FOXN3: variants seen among roughly 807,000 people sequenced by gnomAD.
FOXN3 encodes the protein forkhead box N3, also known as forkhead box protein N3.
FOXN3 carries 7 observed loss-of-function variants against 38.4 expected under a neutral mutation model. The observed-to-expected ratio is 0.18, with a 90% CI of 0.10 to 0.34. The LOEUF (loss-of-function observed/expected upper bound fraction) is 0.34, where lower values mean the gene tolerates loss of function less well. FOXN3 is among the 10% of genes least tolerant of loss of function. The pLI is 1.00. For missense variants in FOXN3, 456 were observed against 613.4 expected, an observed-to-expected ratio of 0.74 and a Z score of 2.71; for synonymous variants, 230 against 242.2, an observed-to-expected ratio of 0.95 and a Z score of 0.47.
chr14:89,346,645 A>G (rs1888766351), intron 3 of FOXN3, among the ~76,000 whole-genome samples: 1 of 152,146 alleles, frequency 6.6e-6, no homozygotes, highest in South Asian at 2.1e-4. Flanking sequence ...CACCTGTGGC[A>G]TACTGTTCAC....
intron 4 of FOXN3, among the ~76,000 whole-genome samples, chr14:89,253,169 C>T (rs906277757): frequency 1.3e-5 from 2 of 152,112 alleles, no homozygotes; most frequent in Non-Finnish European, 2.9e-5. Context: ...AGGCCTGATG[C>T]GAAACAGCCT....
chr14:89,498,333 C>T (rs931511788), intron 1 of FOXN3, among the ~76,000 whole-genome samples: 11 of 150,624 alleles, frequency 7.3e-5, no homozygotes, highest in African/African-American at 2.7e-4. Flanking sequence ...ACCAATTCTC[C>T]TGCCTCAGCC....
intron 4 of FOXN3, among the ~76,000 whole-genome samples, chr14:89,254,332 T>C (rs963231248): frequency 5.3e-5 from 8 of 152,166 alleles, no homozygotes; most frequent in African/African-American, 1.9e-4. Context: ...CTGGAACGTT[T>C]CCCCAACAGA....
intron 1 of FOXN3, among the ~76,000 whole-genome samples, chr14:89,437,668 A>C (rs980712612): frequency 6.6e-6 from 1 of 152,234 alleles, no homozygotes; most frequent in Non-Finnish European, 1.5e-5. Context: ...AGGCATGAAT[A>C]ATCCACACCT....
At chr14:89,407,943 A>G (rs8009377) in intron 2 of FOXN3, among the ~76,000 whole-genome samples, 7,275 of 152,324 alleles carry the variant, frequency 0.048, 599 homozygotes, top group African/African-American at 0.16. Flanking sequence ...TTATGGGGGT[A>G]TATCAAGTCA....
chr14:89,570,003 GTT>G (rs398057363), intron 1 of FOXN3, among the ~76,000 whole-genome samples: 2 of 142,900 alleles, frequency 1.4e-5, no homozygotes. Flanking sequence ...CACTTGGTAT[GTT>G]TTTTTTTTTT....
chr14:89,527,578 C>T (rs1395318312), intron 1 of FOXN3, among the ~76,000 whole-genome samples: 1 of 152,018 alleles, frequency 6.6e-6, no homozygotes, highest in African/African-American at 2.4e-5. Context: ...TGAATAGGAA[C>T]TTTACTAAAG....
At chr14:89,234,524 C>T (rs1028813261) in intron 4 of FOXN3, among the ~76,000 whole-genome samples, 1 of 152,048 alleles carries the variant, frequency 6.6e-6, no homozygotes, top group African/African-American at 2.4e-5. Context: ...GGGCAGATCC[C>T]TCATGAATGG....
intron 1 of FOXN3, among the ~76,000 whole-genome samples, chr14:89,475,407 G>A (rs1225465991): frequency 6.6e-6 from 1 of 152,178 alleles, no homozygotes; most frequent in African/African-American, 2.4e-5. Context: ...TGTATTTCCA[G>A]CACATTGGGA....
intron 3 of FOXN3, among the ~76,000 whole-genome samples, chr14:89,282,930 T>G (rs1450785337): frequency 6.6e-6 from 1 of 152,236 alleles, no homozygotes; most frequent in Non-Finnish European, 1.5e-5. Context: ...ATCCTTTTAA[T>G]GTACTTAAAT....
intron 1 of FOXN3, among the ~76,000 whole-genome samples, chr14:89,591,213 C>T (rs1449642732): frequency 1.3e-5 from 2 of 152,168 alleles, no homozygotes; most frequent in African/African-American, 4.8e-5. Context: ...GTTTGATCTT[C>T]ATATTCTCAA....
intron 1 of FOXN3, among the ~76,000 whole-genome samples, chr14:89,440,251 G>A (rs1219260398): frequency 6.6e-6 from 1 of 152,090 alleles, no homozygotes; most frequent in African/African-American, 2.4e-5. Flanking sequence ...TCTGATCTAG[G>A]GGTGCTTTCC....
At chr14:89,605,919 A>G (rs1052555437) in intron 1 of FOXN3, among the ~76,000 whole-genome samples, 8 of 152,156 alleles carry the variant, frequency 5.3e-5, no homozygotes. Context: ...GTTCAAGACC[A>G]GGCTGGGCAA....
intron 5 of FOXN3, among the ~76,000 whole-genome samples, chr14:89,169,312 A>G (rs2087123233): frequency 1.3e-5 from 2 of 152,114 alleles, no homozygotes; most frequent in Non-Finnish European, 2.9e-5. Context: ...ATGGTGGTGC[A>G]TGCCTGTAGT....
Position 89,463,273 on chromosome 14 carries a change from CA to C in FOXN3, c.-14-50784del, listed in dbSNP as rs112265879. On this transcript the variant is annotated intron_variant, in intron 1 of 6. Coordinates refer to the FOXN3 transcript ENST00000345097. ...TGGGCGACAGAGCAAGGCTCTGTCT[CA>C]AAAAAAAAAGCCACCAGATCCACTC... Among the ~76,000 whole-genome samples, 18 of 144,348 alleles carry C rather than the reference CA, an allele frequency of 1.2e-4. No individual in the cohort carries two copies. The East Asian group carries it at 1.7e-3, about 14-fold the overall frequency. 94.7% of individuals were successfully genotyped at this position (144,348 alleles called of 152,430 possible). A position where few individuals can be genotyped will look rare whatever the true frequency, so the allele number is the denominator to read the frequency against.
rs1179325642 is a variant in FOXN3 at position 89,274,681 on chromosome 14, C to T, written c.745+6269G>A. Among the ~76,000 whole-genome samples the T allele has an allele frequency of 3.3e-5, 5 of 152,230 alleles. No homozygotes were observed. The South Asian group carries it at 1.0e-3, about 32-fold the overall frequency. The stretch of plus-strand genomic sequence containing the variant: ...GTGCTCCTTCACAAAGCTATATGTG[C>T]ACCTGCTGTGAATATACACTTTGAG... On this transcript the variant is annotated intron_variant, in intron 4 of 5. Coordinates refer to ENST00000557258, the MANE Select transcript of FOXN3 (RefSeq NM_005197.4).
intron 1 of FOXN3, among the ~76,000 whole-genome samples, chr14:89,442,619 GT>G (rs1447104311): frequency 1.3e-5 from 2 of 152,294 alleles, no homozygotes; most frequent in South Asian, 2.1e-4. Flanking sequence ...GGATCCCTGA[GT>G]TGTATGCAGT....
chr14:89,511,157 C>CTTTCTTTCTTTTTTTCTTTCTTTCT (rs1894055861), intron 1 of FOXN3, among the ~76,000 whole-genome samples: 1 of 22,614 alleles, frequency 4.4e-5, no homozygotes, highest in African/African-American at 7.1e-5. Context: ...TTCTTTCTTT[C>CTTTCTTTCTTTTTTTCTTTCTTTCT]TTTCTTTCTT....
chr14:89,321,125 T>TA (rs956516395), intron 3 of FOXN3, among the ~76,000 whole-genome samples: 30 of 151,666 alleles, frequency 2.0e-4, no homozygotes, highest in African/African-American at 6.8e-4. Flanking sequence ...CCCTCTCTAC[T>TA]AAAAAACACA....
Sources: gnomAD v4.1 joint callset for allele counts (sites outside exome capture counted in the v4.1 genomes callset) on GRCh38, gnomAD v4.1.1 for gene constraint, MANE v1.5 for transcripts, NCBI Gene and HGNC (gene_info 2026-07-23, HGNC 2026-07-21) for gene names.